The following TENM3 variants were observed in gnomAD, a reference collection of about 807,000 sequenced individuals.
TENM3 encodes the protein teneurin transmembrane protein 3.
In TENM3, 63 loss-of-function variants were observed where a neutral mutation model predicts 255.1. That is an observed-to-expected ratio of 0.25 (90% CI 0.20 to 0.30). The LOEUF is 0.30. Among genes scored for constraint, TENM3 ranks in the 10% least tolerant of loss-of-function variants. TENM3 has a pLI of 1.00. For missense variants in TENM3, 2,929 were observed against 3,461.1 expected, an observed-to-expected ratio of 0.85 and a Z score of 3.86; for synonymous variants, 1,306 against 1,322.3, an observed-to-expected ratio of 0.99 and a Z score of 0.27.
At chr4:181,719,632 G>A in the TENM3 span, among the ~76,000 whole-genome samples, 1 of 152,142 alleles carries the variant, frequency 6.6e-6, no homozygotes. Flanking sequence ...ATCTCCCAAA[G>A]GCCCCACATC....
At chr4:182,560,296 A>G (rs1267449452) in intron 3 of TENM3, among the ~76,000 whole-genome samples, 1 of 152,144 alleles carries the variant, frequency 6.6e-6, no homozygotes, top group East Asian at 1.9e-4. Context: ...ATGAAGGCCA[A>G]TTGGAATAAT....
chr4:182,220,378 CAAAAA>C (rs60851113), intron 1 of TENM3, among the ~76,000 whole-genome samples: 134 of 77,492 alleles, frequency 1.7e-3, no homozygotes, highest in Admixed American at 3.3e-3. Context: ...CTCTGTCTCA[CAAAAA>C]AAAAAAAAAA....
chr4:182,187,486 A>G (rs975661800), intron 1 of TENM3, among the ~76,000 whole-genome samples: 1 of 152,198 alleles, frequency 6.6e-6, no homozygotes, highest in African/African-American at 2.4e-5. Context: ...ACTCTCCCCA[A>G]ATGAGGACAG....
At chr4:181,903,781 A>G in the TENM3 span, among the ~76,000 whole-genome samples, 1 of 152,020 alleles carries the variant, frequency 6.6e-6, no homozygotes, top group African/African-American at 2.4e-5. Flanking sequence ...TCCTGGTTCT[A>G]CCCCTACTGT....
chr4:182,066,747 A>G, the TENM3 span, among the ~76,000 whole-genome samples: 1 of 151,782 alleles, frequency 6.6e-6, no homozygotes, highest in Non-Finnish European at 1.5e-5. Context: ...CGTCTCCACT[A>G]AAAATACAAA....
intron 1 of TENM3, among the ~76,000 whole-genome samples, chr4:182,178,189 A>G (rs896145166): frequency 3.3e-5 from 5 of 152,160 alleles, no homozygotes; most frequent in Admixed American, 6.5e-5. Flanking sequence ...TCAAACTTCT[A>G]TGCCTTTAAT....
At chr4:181,674,877 T>G in the TENM3 span, among the ~76,000 whole-genome samples, 1 of 152,278 alleles carries the variant, frequency 6.6e-6, no homozygotes, top group African/African-American at 2.4e-5. Flanking sequence ...TGCATAGTGA[T>G]CAAGTTTTCC....
the TENM3 span, among the ~76,000 whole-genome samples, chr4:181,476,286 GGA>G: frequency 1.3e-5 from 2 of 151,168 alleles, no homozygotes; most frequent in East Asian, 3.9e-4. Flanking sequence ...TAGATATGTG[GGA>G]GAGGTGTGAT....
At chr4:181,889,709 G>A in the TENM3 span, among the ~76,000 whole-genome samples, 3 of 152,184 alleles carry the variant, frequency 2.0e-5, no homozygotes, top group Non-Finnish European at 4.4e-5. Flanking sequence ...CCTTGGAACT[G>A]TGCCTTCCAT....
At chr4:181,807,102 T>A in the TENM3 span, among the ~76,000 whole-genome samples, 1 of 152,324 alleles carries the variant, frequency 6.6e-6, no homozygotes, top group African/African-American at 2.4e-5. Flanking sequence ...TTTTCATTTA[T>A]AATTCTACCA....
chr4:181,599,668 T>G, the TENM3 span, among the ~76,000 whole-genome samples: 7 of 152,190 alleles, frequency 4.6e-5, no homozygotes, highest in East Asian at 9.6e-4. Context: ...GGTGTGGTAA[T>G]AGCACCTTAA....
chr4:181,633,930 T>A, the TENM3 span, among the ~76,000 whole-genome samples: 1 of 152,072 alleles, frequency 6.6e-6, no homozygotes, highest in Non-Finnish European at 1.5e-5. Context: ...TTTAAGGTCA[T>A]GCTGCCATTT....
chr4:182,762,443 T>TTGA (rs34951450), intron 22 of TENM3, among the ~76,000 whole-genome samples: 77,312 of 151,774 alleles, frequency 0.51, 19,865 homozygotes, highest in South Asian at 0.57. Flanking sequence ...TTTAAAACGA[T>TTGA]TGATAATAAA....
the TENM3 span, among the ~76,000 whole-genome samples, chr4:181,684,237 G>A: frequency 2.8e-4 from 42 of 152,254 alleles, no homozygotes; most frequent in African/African-American, 7.7e-4. Flanking sequence ...AGAATGGGCC[G>A]TGACAACAGT....
At chr4:182,098,955 CTTTTTTTCTTTTTT>C in the TENM3 span, among the ~76,000 whole-genome samples, 1 of 133,830 alleles carries the variant, frequency 7.5e-6, no homozygotes, top group African/African-American at 2.9e-5. Flanking sequence ...GTGCACAACT[CTTTTTTTCTTTTTT>C]TTTTTTTTTT....
At chr4:181,758,671 G>T in the TENM3 span, among the ~76,000 whole-genome samples, 1 of 152,164 alleles carries the variant, frequency 6.6e-6, no homozygotes, top group Non-Finnish European at 1.5e-5. Flanking sequence ...CCAACTTTGA[G>T]CTAAGTGCAA....
At chr4:181,938,019 A>G in the TENM3 span, among the ~76,000 whole-genome samples, 1 of 152,136 alleles carries the variant, frequency 6.6e-6, no homozygotes, top group Non-Finnish European at 1.5e-5. Flanking sequence ...GGGCCACACA[A>G]CAGTTTCACC....
At chr4:181,946,993 A>T in the TENM3 span, among the ~76,000 whole-genome samples, 1 of 152,176 alleles carries the variant, frequency 6.6e-6, no homozygotes, top group Non-Finnish European at 1.5e-5. Flanking sequence ...TAAATCACTG[A>T]CCGTGTTTGT....
At chr4:182,421,933 C>G (rs1770867014) in intron 3 of TENM3, among the ~76,000 whole-genome samples, 1 of 152,238 alleles carries the variant, frequency 6.6e-6, no homozygotes, top group African/African-American at 2.4e-5. Context: ...AAGGTCAAGT[C>G]CCGGGGCCAG....
Sources: allele counts gnomAD v4.1 joint callset (sites outside exome capture counted in the v4.1 genomes callset), GRCh38; gene constraint gnomAD v4.1.1; transcripts MANE v1.5; gene names NCBI Gene and HGNC (gene_info 2026-07-23, HGNC 2026-07-21).